SLC25A43: variants seen among roughly 807,000 people sequenced by gnomAD.
SLC25A43 encodes solute carrier family 25, member 43.
Under a neutral mutation model 22.8 loss-of-function variants are expected in SLC25A43, and 10 were observed. The observed-to-expected ratio is 0.44, with a 90% CI of 0.27 to 0.74. The LOEUF (loss-of-function observed/expected upper bound fraction) is 0.74, where lower values mean the gene tolerates loss of function less well. Ranked by LOEUF, SLC25A43 falls within the 30% of genes least tolerant of loss-of-function variation. The pLI is 0.17. For missense variants in SLC25A43, 233 were observed against 279.1 expected (o/e 0.83, Z 1.18); for synonymous variants, 106 against 121.6 (o/e 0.87, Z 0.84).
At chrX:119,432,277 T>G (rs1043122546) in intron 3 of SLC25A43, among the ~76,000 whole-genome samples, 55 of 112,020 alleles carry the variant, frequency 4.9e-4, no homozygotes, top group Non-Finnish European at 9.4e-5. Flanking sequence ...GATAACGGTA[T>G]TATACATATA....
intron 1 of SLC25A43, among the ~76,000 whole-genome samples, chrX:119,405,084 G>A (rs749238190): frequency 1.8e-5 from 2 of 111,596 alleles, no homozygotes; most frequent in South Asian, 7.5e-4. Context: ...GACCTAAAGT[G>A]CCCCAACATT....
At chrX:119,447,255 G>A (rs1329861623) in intron 3 of SLC25A43, among the ~76,000 whole-genome samples, 2 of 110,576 alleles carry the variant, frequency 1.8e-5, no homozygotes, top group African/African-American at 3.3e-5. Flanking sequence ...TGCCCAGCCC[G>A]ATTCTCTCTT....
rs1441988308 is a variant in SLC25A43, at chrX:119,453,726, G to T, written c.*661G>T. 2 of 112,359 alleles carry T rather than the reference G, an allele frequency of 1.8e-5. No individual in the cohort carries two copies. Among genetic ancestry groups the T allele is most frequent in the African/African-American group, 6.5e-5 (2 of 30,622 alleles). The allele number at this position is 112,359 out of a possible 1,213,427, so 9.3% of individuals were successfully genotyped here. ...TTTTTTGGGGAGGTCTTGCTATGTT[G>T]CCCAGGCTGGTCTTGAACTCCTGGG... On this transcript the variant is annotated 3_prime_UTR_variant, in exon 5 of 5. Transcript: ENST00000217909.
intron 1 of SLC25A43, among the ~76,000 whole-genome samples, chrX:119,403,447 G>T (rs1273548367): frequency 2.7e-5 from 3 of 111,119 alleles, no homozygotes; most frequent in Non-Finnish European, 5.7e-5. Flanking sequence ...ACGCCACCAT[G>T]CCTGGCTAAT....
chrX:119,422,832 G>A (rs2052466155), intron 3 of SLC25A43: 1 of 112,290 alleles, frequency 8.9e-6, no homozygotes, highest in African/African-American at 3.2e-5. Flanking sequence ...GCAAACAGCC[G>A]TTAACGTTTC....
chrX:119,423,528 C>CA (rs748525722), intron 3 of SLC25A43: 899 of 44,592 alleles, frequency 0.02, 6 homozygotes, highest in Non-Finnish European at 0.027. Context: ...GACTCTGTCT[C>CA]AAAAAAAAAA....
At chrX:119,400,861 A>C (rs2052232064) in intron 1 of SLC25A43, among the ~76,000 whole-genome samples, 1 of 111,026 alleles carries the variant, frequency 9.0e-6, no homozygotes, top group African/African-American at 3.3e-5. Flanking sequence ...GCTTGCCCTC[A>C]TCAACATCTG....
chrX:119,441,341 G>A (rs1470756044), intron 3 of SLC25A43, among the ~76,000 whole-genome samples: 4 of 85,745 alleles, frequency 4.7e-5, no homozygotes, highest in African/African-American at 8.7e-5. Context: ...CGCACGGTGC[G>A]CACACACACT....
intron 3 of SLC25A43, among the ~76,000 whole-genome samples, chrX:119,411,737 C>G (rs989369272): frequency 1.8e-5 from 2 of 111,154 alleles, no homozygotes; most frequent in Non-Finnish European, 3.8e-5. Flanking sequence ...CCTGCTCAGG[C>G]CCTTAAAATT....
At chrX:119,448,153 T>G (rs1277598560) in intron 3 of SLC25A43, among the ~76,000 whole-genome samples, 1 of 111,420 alleles carries the variant, frequency 9.0e-6, no homozygotes. Flanking sequence ...ATCCAGTCCA[T>G]CAGCCAATCC....
intron 3 of SLC25A43, among the ~76,000 whole-genome samples, chrX:119,428,752 T>C (rs1007569220): frequency 9.0e-6 from 1 of 111,057 alleles, no homozygotes; most frequent in Non-Finnish European, 1.9e-5. Context: ...GTGAAGTGAG[T>C]GGCCAGCGAG....
intron 1 of SLC25A43, among the ~76,000 whole-genome samples, chrX:119,400,094 GGT>G (rs1474629754): frequency 1.8e-5 from 2 of 111,768 alleles, no homozygotes; most frequent in African/African-American, 6.5e-5. Context: ...CCCTTTTAAA[GGT>G]GTTTTTGTCT....
chrX:119,415,665 A>G (rs1407487767), intron 3 of SLC25A43, among the ~76,000 whole-genome samples: 2 of 105,686 alleles, frequency 1.9e-5, no homozygotes, highest in Non-Finnish European at 3.9e-5. Flanking sequence ...ATTGCACTCC[A>G]GCCTGGGCAA....
intron 3 of SLC25A43, among the ~76,000 whole-genome samples, chrX:119,447,029 C>T (rs1027894555): frequency 2.7e-5 from 3 of 111,396 alleles, no homozygotes; most frequent in African/African-American, 9.8e-5. Flanking sequence ...TCTCAGCTCA[C>T]TGCAACCTCC....
chrX:119,423,846 T>C (rs1350964169), intron 3 of SLC25A43: 2 of 109,401 alleles, frequency 1.8e-5, no homozygotes, highest in African/African-American at 6.7e-5. Flanking sequence ...TTTCCCCAAA[T>C]GTGGGAAACT....
intron 3 of SLC25A43, among the ~76,000 whole-genome samples, chrX:119,430,851 C>A (rs187586178): frequency 8.9e-6 from 1 of 112,151 alleles, no homozygotes; most frequent in Non-Finnish European, 1.9e-5. Flanking sequence ...TGGACACCCA[C>A]TTAGTAGGAC....
intron 3 of SLC25A43, among the ~76,000 whole-genome samples, chrX:119,448,218 A>G (rs2052681755): frequency 2.7e-5 from 3 of 110,781 alleles, no homozygotes; most frequent in African/African-American, 9.8e-5. Flanking sequence ...CCACTCCACC[A>G]CTAGCATCCC....
intron 3 of SLC25A43, among the ~76,000 whole-genome samples, chrX:119,425,059 GA>G (rs2052491043): frequency 4.9e-5 from 2 of 40,776 alleles, no homozygotes; most frequent in South Asian, 1.3e-3. Flanking sequence ...TCAAGTTAGA[GA>G]GAGGAAAAAA....
intron 3 of SLC25A43, among the ~76,000 whole-genome samples, chrX:119,419,679 T>A (rs985723670): frequency 1.8e-5 from 2 of 111,862 alleles, no homozygotes; most frequent in African/African-American, 6.5e-5. Context: ...ATATCCCCAC[T>A]GTCACCTCTA....
Sources: allele counts gnomAD v4.1 joint callset (sites outside exome capture counted in the v4.1 genomes callset), GRCh38; gene constraint gnomAD v4.1.1; transcripts MANE v1.5; gene names NCBI Gene and HGNC (gene_info 2026-07-23, HGNC 2026-07-21).